The following POU6F2 variants were observed in gnomAD, a reference collection of about 807,000 sequenced individuals.
POU6F2 encodes the protein POU class 6 homeobox 2, also known as POU domain, class 6, transcription factor 2.
POU6F2 carries 31 observed loss-of-function variants against 71.3 expected under a neutral mutation model. The observed-to-expected ratio is 0.43, with a 90% CI of 0.33 to 0.59. POU6F2 has a LOEUF of 0.59. Ranked by LOEUF, POU6F2 falls within the 20% of genes least tolerant of loss-of-function variation. The pLI, the probability that POU6F2 is intolerant of heterozygous loss-of-function variation, is 0.04. For synonymous variants in POU6F2, 347 were observed against 355.7 expected (o/e 0.98, Z 0.27); for missense variants, 783 against 856.8 (o/e 0.91, Z 1.07).
intron 4 of POU6F2, among the ~76,000 whole-genome samples, chr7:39,316,831 T>TA (rs1325398812): frequency 1.6e-5 from 2 of 123,532 alleles, no homozygotes; most frequent in Non-Finnish European, 3.7e-5. Flanking sequence ...AGTTTCAGAA[T>TA]AGAACTTGAT....
intron 7 of POU6F2, among the ~76,000 whole-genome samples, chr7:39,443,327 A>G (rs1228986410): frequency 6.6e-6 from 1 of 152,178 alleles, no homozygotes; most frequent in Non-Finnish European, 1.5e-5. Context: ...TCACCAGTAC[A>G]CATATGTGCA....
chr7:39,340,188 G>A (rs1785884858), intron 5 of POU6F2, among the ~76,000 whole-genome samples, 173 bp downstream of exon 5: 1 of 152,158 alleles, frequency 6.6e-6, no homozygotes, highest in South Asian at 2.1e-4. Flanking sequence ...AAGGCAACTG[G>A]GGATGCATGT....
intron 2 of POU6F2, among the ~76,000 whole-genome samples, chr7:39,167,153 ATATC>A: frequency 6.6e-6 from 1 of 152,210 alleles, no homozygotes; most frequent in Middle Eastern, 3.4e-3. Flanking sequence ...TGTATATATA[ATATC>A]TATAAGGTAT....
At chr7:39,340,064 TC>T in intron 5 of POU6F2, 49 bp downstream of exon 5, 1 of 1,539,578 alleles carries the variant, frequency 6.5e-7, no homozygotes. Context: ...CAAGGACCTT[TC>T]CATGGGGTGG....
chr7:39,132,633 G>A (rs1215574083), intron 2 of POU6F2: 3 of 152,168 alleles, frequency 2.0e-5, no homozygotes, highest in Admixed American at 1.3e-4. Flanking sequence ...AACACAATTG[G>A]TCACATATTG....
chr7:39,187,610 G>T (rs1017075518), intron 2 of POU6F2, among the ~76,000 whole-genome samples: 13 of 152,240 alleles, frequency 8.5e-5, no homozygotes, highest in Admixed American at 8.5e-4. Flanking sequence ...GGATTTGAGA[G>T]CCGCTACTTC....
At chr7:39,272,740 A>G (rs1326710023) in intron 4 of POU6F2, among the ~76,000 whole-genome samples, 3 of 152,184 alleles carry the variant, frequency 2.0e-5, no homozygotes, top group Non-Finnish European at 4.4e-5. Context: ...AGGAAGACCT[A>G]TTTTTAAGCA....
At chr7:39,086,080 G>A (rs201007026) in intron 2 of POU6F2, 49 bp downstream of exon 2, 5 of 1,574,258 alleles carry the variant, frequency 3.2e-6, no homozygotes, top group Admixed American at 3.5e-5. Flanking sequence ...TTGTCCGGAA[G>A]AGCAATCCAA....
At chr7:39,209,623 C>T (rs1401801488) in intron 4 of POU6F2, among the ~76,000 whole-genome samples, 1 of 152,178 alleles carries the variant, frequency 6.6e-6, no homozygotes, top group African/African-American at 2.4e-5. Flanking sequence ...GGATGGTAAT[C>T]AGGAAAGTCT....
chr7:39,169,363 A>G (rs1393074698), intron 2 of POU6F2, among the ~76,000 whole-genome samples: 1 of 152,170 alleles, frequency 6.6e-6, no homozygotes, highest in Non-Finnish European at 1.5e-5. Flanking sequence ...AGTCTTTGGG[A>G]GAAGAACTGT....
chr7:39,197,230 G>A (rs1041022366), intron 2 of POU6F2, among the ~76,000 whole-genome samples: 3 of 152,162 alleles, frequency 2.0e-5, no homozygotes, highest in Non-Finnish European at 4.4e-5. Flanking sequence ...CCCTTCTCAG[G>A]GGGCTTGGGC....
rs547594010 is a variant in POU6F2 at position 39,059,108 on chromosome 7, A to C, written c.106-26752A>C. On this transcript the variant is annotated intron_variant, in intron 1 of 9. Coordinates refer to ENST00000518318, the MANE Select transcript of POU6F2 (RefSeq NM_001370959.1). ...AATATCTTTTTGGAAAGCTGACAAA[A>C]CAGCATGGAAATAATGAATCAGTAT... 4.1e-4 allele frequency among the ~76,000 whole-genome samples: 63 copies of C among 152,320 alleles called. No individual in the cohort carries two copies. In the South Asian group the frequency reaches 6.0e-3, roughly 15 times the overall value.
At chr7:39,451,837 T>C in intron 8 of POU6F2, 136 bp downstream of exon 8, 1 of 1,158,478 alleles carries the variant, frequency 8.6e-7, no homozygotes, top group Non-Finnish European at 1.2e-6. Context: ...TTCCTGGCAC[T>C]GCTAGGTCAA....
intron 2 of POU6F2, among the ~76,000 whole-genome samples, chr7:39,089,379 G>T (rs1249118859): frequency 2.0e-5 from 3 of 152,190 alleles, no homozygotes; most frequent in Non-Finnish European, 4.4e-5. Flanking sequence ...ATGTGGTTGG[G>T]GGTGGGGGAT....
intron 2 of POU6F2, among the ~76,000 whole-genome samples, chr7:39,156,444 G>A (rs1562726692): frequency 1.3e-5 from 2 of 151,954 alleles, no homozygotes. Context: ...CTGTGCTTTA[G>A]ATTAATTGAG....
intron 2 of POU6F2, among the ~76,000 whole-genome samples, chr7:39,128,639 T>C (rs1363573023): frequency 6.6e-6 from 1 of 152,250 alleles, no homozygotes; most frequent in African/African-American, 2.4e-5. Flanking sequence ...CAGTGACGAA[T>C]GTGCACAGGA....
chr7:39,068,576 A>T (rs1790810472), intron 1 of POU6F2, among the ~76,000 whole-genome samples: 1 of 152,042 alleles, frequency 6.6e-6, no homozygotes, highest in Admixed American at 6.6e-5. Context: ...TGGCTTTAAA[A>T]AATAAATGTA....
rs398004470 is a variant in POU6F2 at position 39,246,905 on chromosome 7, C to CTTTT, written c.598+39305_598+39308dup. Reference sequence around the variant, plus strand: ...CCAGCTCACCCCAAATCCAGGGTGGCTTTTTTTTTTTTTTTTTTTTTTTGC... The same window carrying CTTTT: ...CCAGCTCACCCCAAATCCAGGGTGGCTTTTTTTTTTTTTTTTTTTTTTTTTTTGC... On this transcript the variant is annotated intron_variant, in intron 4 of 9. Coordinates refer to ENST00000518318, the MANE Select transcript of POU6F2 (RefSeq NM_001370959.1). Among the ~76,000 whole-genome samples the CTTTT allele has an allele frequency of 5.0e-3, 392 of 78,110 alleles. 14 individuals carry two copies. Among genetic ancestry groups the CTTTT allele is most frequent in the African/African-American group, 6.2e-3 (105 of 17,072 alleles). The allele number at this position is 78,110 out of a possible 152,430, so 51.2% of individuals were successfully genotyped here. A position where few individuals can be genotyped will look rare whatever the true frequency, so the allele number is the denominator to read the frequency against.
chr7:39,318,259 C>T (rs1196185845), intron 4 of POU6F2, among the ~76,000 whole-genome samples: 1 of 152,144 alleles, frequency 6.6e-6, no homozygotes, highest in East Asian at 1.9e-4. Context: ...CAGCACTACT[C>T]ACGGTTGGAC....
Sources: allele counts gnomAD v4.1 joint callset (sites outside exome capture counted in the v4.1 genomes callset), GRCh38; gene constraint gnomAD v4.1.1; transcripts MANE v1.5; gene names NCBI Gene and HGNC (gene_info 2026-07-23, HGNC 2026-07-21).